The following STAMBP variants were observed in gnomAD, a reference collection of about 807,000 sequenced individuals.
The protein encoded by STAMBP is STAM binding protein.
In STAMBP, 31 loss-of-function variants were observed where a neutral mutation model predicts 50.7. That is an observed-to-expected ratio of 0.61 (90% CI 0.46 to 0.83). The LOEUF (loss-of-function observed/expected upper bound fraction) is 0.83, where lower values mean the gene tolerates loss of function less well. Ranked by LOEUF, STAMBP falls within the 40% of genes least tolerant of loss-of-function variation. The pLI is 0.00. For synonymous variants in STAMBP, 211 were observed against 192.4 expected (o/e 1.10, Z -0.80); for missense variants, 472 against 518.9 (o/e 0.91, Z 0.88).
At position 73,865,269 on chromosome 2, in the gene STAMBP, G is replaced by A. The variant is rs1403830046; in HGVS notation, c.*3010G>A. 1.3e-5 allele frequency: 2 copies of A among 152,188 alleles called. No homozygotes were observed. Among genetic ancestry groups the A allele is most frequent in the African/African-American group, 2.4e-5 (1 of 41,432 alleles). The allele number at this position is 152,188 out of a possible 1,614,324, so 9.4% of individuals were successfully genotyped here. ...CTGCAATTTTGATATGTTTCCAGTG[G>A]ATTTTGAGAACACAGTTTTAGGACC... On this transcript the variant is annotated 3_prime_UTR_variant, in exon 10 of 10. Transcript: ENST00000394070.
At chr2:73,838,330 G>A (rs757440610) in intron 2 of STAMBP, among the ~76,000 whole-genome samples, 4 of 152,168 alleles carry the variant, frequency 2.6e-5, no homozygotes, top group Non-Finnish European at 4.4e-5. Context: ...AAGAACAGAT[G>A]GCTAGCTGGA....
At chr2:73,856,377 TC>T (rs1677551153) in intron 7 of STAMBP, among the ~76,000 whole-genome samples, 1 of 152,242 alleles carries the variant, frequency 6.6e-6, no homozygotes, top group African/African-American at 2.4e-5. Flanking sequence ...GTCCTTGACT[TC>T]CACCATGTTG....
rs6726010 is a variant in STAMBP, at chr2:73,864,200, T to C, written c.*1941T>C. 67,503 of 152,070 alleles carry C rather than the reference T, an allele frequency of 0.44. 17,172 individuals are homozygous for C. Among genetic ancestry groups the C allele is most frequent in the African/African-American group, 0.71 (29,559 of 41,486 alleles). The allele number at this position is 152,070 out of a possible 1,614,324, so 9.4% of individuals were successfully genotyped here. ...AGGGTTGACAACCACTGCATTGGTC[T>C]TTGATACCTAAGAATTGTGAGCTCT... On this transcript the variant is annotated 3_prime_UTR_variant, in exon 10 of 10. Coordinates refer to ENST00000394070, the MANE Select transcript of STAMBP (RefSeq NM_213622.4).
intron 2 of STAMBP, among the ~76,000 whole-genome samples, chr2:73,832,917 A>G (rs984402384): frequency 6.6e-6 from 1 of 152,164 alleles, no homozygotes; most frequent in Admixed American, 6.5e-5. Context: ...TGGGACTGCT[A>G]TTGTCTTTTT....
chr2:73,859,555 G>C (rs765075418), intron 8 of STAMBP, among the ~76,000 whole-genome samples, 189 bp downstream of exon 8: 23 of 152,032 alleles, frequency 1.5e-4, no homozygotes, highest in Non-Finnish European at 3.2e-4. Flanking sequence ...TGTTCAAAAA[G>C]ATATCCAAGT....
At chr2:73,840,336 T>C (rs1675227049) in intron 2 of STAMBP, among the ~76,000 whole-genome samples, 2 of 151,902 alleles carry the variant, frequency 1.3e-5, no homozygotes, top group Admixed American at 1.3e-4. Context: ...TTTTCAGTTT[T>C]TTCTACTTTT....
At chr2:73,832,900 G>A (rs1674144805) in intron 2 of STAMBP, among the ~76,000 whole-genome samples, 1 of 152,208 alleles carries the variant, frequency 6.6e-6, no homozygotes, top group Admixed American at 6.5e-5. Context: ...ATTGTAGAGT[G>A]GAGAAATGGG....
rs969322591 is a variant in STAMBP at position 73,859,256 on chromosome 2, T to G, written c.1008T>G (p.Thr336=). The G allele has an allele frequency of 3.1e-6, 5 of 1,613,710 alleles. No individual in the cohort carries two copies. Among genetic ancestry groups the G allele is most frequent in the African/African-American group, 2.7e-5 (2 of 74,916 alleles). ...QGLITLGWIH[T]HPTQTAFLSS... is the part of the protein sequence containing the mutation. ...TCTGACTCTTTTTCTCTCCTCAGAC[T>G]CACCCCACACAGACCGCGTTTCTCT... is the stretch of plus-strand genomic sequence containing the variant. The change falls in exon 8 of 10, where the codon ACT becomes ACG. Residue 336 remains threonine, a splice_region_variant and synonymous_variant. Coordinates refer to ENST00000394070, the MANE Select transcript of STAMBP (RefSeq NM_213622.4).
At position 73,859,494 on chromosome 2, in the gene STAMBP, A is replaced by G. The variant is rs1356317120; in HGVS notation, c.1118+128A>G. Reference sequence around the variant, plus strand: ...ACATAGATTATAATGTAAGTTGGTTATTCTAAAGGGCTTCCTTTTAAGCCC... The same window carrying G: ...ACATAGATTATAATGTAAGTTGGTTGTTCTAAAGGGCTTCCTTTTAAGCCC... On this transcript the variant is annotated intron_variant, in intron 8 of 9. Coordinates refer to ENST00000394070, the MANE Select transcript of STAMBP (RefSeq NM_213622.4). 2.5e-4 allele frequency: 178 copies of G among 724,306 alleles called. 3 individuals are homozygous for G. The highest frequency in any genetic ancestry group is 4.8e-6 in the Non-Finnish European group (2 of 416,146). The allele number at this position is 724,306 out of a possible 1,614,324, so 44.9% of individuals were successfully genotyped here. A position where few individuals can be genotyped will look rare whatever the true frequency, so the allele number is the denominator to read the frequency against.
At chr2:73,835,253 C>G (rs1012245375) in intron 2 of STAMBP, among the ~76,000 whole-genome samples, 2 of 150,988 alleles carry the variant, frequency 1.3e-5, no homozygotes, top group African/African-American at 4.9e-5. Flanking sequence ...ACCCGAGAGG[C>G]TGAGGCAGGA....
Position 73,864,170 on chromosome 2 carries a change from C to A in STAMBP, c.*1911C>A, listed in dbSNP as rs1678648833. The A allele has an allele frequency of 6.6e-6, 1 of 152,212 alleles. No individual in the cohort carries two copies. The highest frequency in any genetic ancestry group is 1.5e-5 in the Non-Finnish European group (1 of 68,032). The allele number at this position is 152,212 out of a possible 1,614,324, so 9.4% of individuals were successfully genotyped here. ...TTCAAGCTGCTAGAATTCTCAAGTA[C>A]AACCAGGGTTGACAACCACTGCATT... On this transcript the variant is annotated 3_prime_UTR_variant, in exon 10 of 10. Coordinates refer to ENST00000394070, the MANE Select transcript of STAMBP (RefSeq NM_213622.4).
At chr2:73,837,616 C>T (rs1339931251) in intron 2 of STAMBP, among the ~76,000 whole-genome samples, 1 of 118,728 alleles carries the variant, frequency 8.4e-6, no homozygotes, top group Non-Finnish European at 1.8e-5. Context: ...AAAAAAAGAA[C>T]ACATTAATAC....
chr2:73,868,915 CATGATAAAAT>C (rs1279388881), downstream of STAMBP, among the ~76,000 whole-genome samples: 1 of 152,146 alleles, frequency 6.6e-6, no homozygotes, highest in Non-Finnish European at 1.5e-5. Context: ...GCTTCGTTAA[CATGATAAAAT>C]AAATCTTCTA....
rs1179957354 is a variant in STAMBP, at chr2:73,834,229, AAAAAAAAATATATATATATATATAT to A, written c.203+3172_203+3196del. On this transcript the variant is annotated intron_variant, in intron 2 of 9. Transcript: ENST00000394070. ...TGTCTTAAAAAAAAAAAAAAAAAAAAAAAAAAAATATATATATATATATATATATATATATATATATATATATATA... is the reference window on the plus strand; with the variant it reads ...TGTCTTAAAAAAAAAAAAAAAAAAAAATATATATATATATATATATATATA... 2.9e-3 allele frequency among the ~76,000 whole-genome samples: 59 copies of A among 20,128 alleles called. 2 individuals carry two copies. The highest frequency in any genetic ancestry group is 9.5e-3 in the African/African-American group (53 of 5,562). 13.2% of individuals were successfully genotyped at this position (20,128 alleles called of 152,430 possible).
intron 7 of STAMBP, among the ~76,000 whole-genome samples, chr2:73,852,075 C>T (rs1178620663): frequency 3.9e-5 from 6 of 152,146 alleles, no homozygotes; most frequent in African/African-American, 1.4e-4. Flanking sequence ...TAAAGCCATA[C>T]TTTAGAAAAT....
intron 9 of STAMBP, among the ~76,000 whole-genome samples, chr2:73,861,070 T>C (rs1252212147): frequency 6.6e-6 from 1 of 152,160 alleles, no homozygotes; most frequent in Non-Finnish European, 1.5e-5. Context: ...GTCTAAGTAC[T>C]AGGATGTTGA....
chr2:73,830,231 A>C (rs1673729969), intron 1 of STAMBP, among the ~76,000 whole-genome samples: 1 of 152,252 alleles, frequency 6.6e-6, no homozygotes, highest in African/African-American at 2.4e-5. Context: ...TGATGAATGA[A>C]TGATTTTATA....
Position 73,845,219 on chromosome 2 carries a change from TA to T in STAMBP, c.336del (p.Lys112AsnfsTer38). 1 of 1,613,984 alleles carries T rather than the reference TA, an allele frequency of 6.2e-7. No homozygotes were observed. The highest frequency in any genetic ancestry group is 8.5e-7 in the Non-Finnish European group (1 of 1,179,844). Reference sequence around the variant, plus strand: ...GCAGAAGAGCTGAAGGCAGAGCTGTTAAAACGATATACCAAAGAATATACAG... The same window carrying T: ...GCAGAAGAGCTGAAGGCAGAGCTGTTAAACGATATACCAAAGAATATACAG... Reference protein sequence around the residue: ...PKAEELKAELLKRYTKEYTEY... With the variant: ...PKAEELKAELXKRYTKEYTEY... On this transcript the variant is annotated frameshift_variant, in exon 4 of 10. Transcript: ENST00000394070. LOFTEE classifies it high-confidence loss of function.
At chr2:73,860,617 G>A in intron 9 of STAMBP, 1 of 959,734 alleles carries the variant, frequency 1.0e-6, no homozygotes, top group South Asian at 4.8e-5. Flanking sequence ...GTAGAATTTT[G>A]CTTAAATCAT....
Sources: allele counts gnomAD v4.1 joint callset (sites outside exome capture counted in the v4.1 genomes callset), GRCh38; gene constraint gnomAD v4.1.1; transcripts MANE v1.5; gene names NCBI Gene and HGNC (gene_info 2026-07-23, HGNC 2026-07-21).